Variants in UNC13C observed in about 807,000 individuals in gnomAD.
UNC13C encodes the protein protein unc-13 homolog C.
Under a neutral mutation model 245.4 loss-of-function variants are expected in UNC13C, and 174 were observed. That is an observed-to-expected ratio of 0.71 (90% CI 0.63 to 0.80). The LOEUF is 0.80. Among genes scored for constraint, UNC13C ranks in the 30% least tolerant of loss-of-function variants. UNC13C has a pLI of 0.00. For missense variants in UNC13C, 2,829 were observed against 2,602.9 expected, an observed-to-expected ratio of 1.09 and a Z score of -1.89; for synonymous variants, 992 against 895.1, an observed-to-expected ratio of 1.11 and a Z score of -1.93.
chr15:54,100,188 T>C (rs7169050), intron 2 of UNC13C, among the ~76,000 whole-genome samples: 148,156 of 151,556 alleles, frequency 0.98, 72,533 homozygotes, highest in Middle Eastern at 1. Context: ...TCACAAAATG[T>C]AACAGTTTTC....
At chr15:54,235,473 C>G (rs1004966545) in intron 5 of UNC13C, among the ~76,000 whole-genome samples, 1 of 150,182 alleles carries the variant, frequency 6.7e-6, no homozygotes, top group Non-Finnish European at 1.5e-5. Flanking sequence ...ATTTAAACTT[C>G]TTCACCTTAA....
intron 14 of UNC13C, among the ~76,000 whole-genome samples, chr15:54,322,875 C>T (rs371911670): frequency 2.0e-4 from 31 of 152,022 alleles, no homozygotes; most frequent in Admixed American, 1.2e-3. Context: ...GCCTCAATAG[C>T]ATTTGGTATG....
At chr15:54,053,185 A>G (rs1390866751) in intron 2 of UNC13C, among the ~76,000 whole-genome samples, 2 of 64,752 alleles carry the variant, frequency 3.1e-5, no homozygotes, top group Admixed American at 3.6e-4. Context: ...TGGCCAATTT[A>G]TTTTTTATTT....
At chr15:54,573,250 A>G (rs1465983350) in intron 30 of UNC13C, among the ~76,000 whole-genome samples, 1 of 151,426 alleles carries the variant, frequency 6.6e-6, no homozygotes, top group Non-Finnish European at 1.5e-5. Flanking sequence ...TTCCTCCTTC[A>G]TTATTCTCTT....
intron 2 of UNC13C, among the ~76,000 whole-genome samples, chr15:54,085,299 G>A (rs780014250): frequency 3.9e-5 from 6 of 152,252 alleles, no homozygotes; most frequent in East Asian, 1.9e-4. Flanking sequence ...AGTGTCAGCC[G>A]GAAGTTTAGT....
chr15:54,212,599 C>A (rs993992759), intron 4 of UNC13C, among the ~76,000 whole-genome samples: 2 of 152,074 alleles, frequency 1.3e-5, no homozygotes, highest in Non-Finnish European at 2.9e-5. Context: ...CTCCAGCCAG[C>A]ACAACCAAAT....
intron 13 of UNC13C, among the ~76,000 whole-genome samples, chr15:54,310,595 G>T (rs2140961933): frequency 6.6e-6 from 1 of 151,812 alleles, no homozygotes; most frequent in South Asian, 2.1e-4. Flanking sequence ...CTTTCATTTT[G>T]CAGATGGAAA....
intron 10 of UNC13C, among the ~76,000 whole-genome samples, chr15:54,279,765 T>A (rs1253245080): frequency 2.6e-5 from 4 of 152,208 alleles, no homozygotes; most frequent in African/African-American, 9.6e-5. Flanking sequence ...AGAGGTCTTT[T>A]AGATGTGGGA....
chr15:53,996,934 T>G (rs536469799), intron 1 of UNC13C, among the ~76,000 whole-genome samples: 37 of 152,210 alleles, frequency 2.4e-4, no homozygotes, highest in Non-Finnish European at 4.4e-4. Flanking sequence ...GGTGAGTACT[T>G]AAGAATAAAG....
At chr15:53,996,953 T>G (rs755274015) in intron 1 of UNC13C, among the ~76,000 whole-genome samples, 2 of 152,074 alleles carry the variant, frequency 1.3e-5, no homozygotes, top group Non-Finnish European at 2.9e-5. Context: ...AGTTACTGAA[T>G]CATAGGGTGC....
intron 2 of UNC13C, among the ~76,000 whole-genome samples, chr15:54,018,319 A>G (rs1208436319): frequency 6.6e-6 from 1 of 152,188 alleles, no homozygotes; most frequent in Non-Finnish European, 1.5e-5. Context: ...AACCTTAGCC[A>G]GATTGGAGTG....
At chr15:54,570,627 C>A (rs186372946) in intron 30 of UNC13C, among the ~76,000 whole-genome samples, 1 of 152,276 alleles carries the variant, frequency 6.6e-6, no homozygotes, top group East Asian at 1.9e-4. Context: ...ACAATCCCAT[C>A]TCAATATTCA....
intron 4 of UNC13C, among the ~76,000 whole-genome samples, chr15:54,191,604 C>A (rs1567083923): frequency 6.6e-6 from 1 of 152,128 alleles, no homozygotes; most frequent in African/African-American, 2.4e-5. Flanking sequence ...GTTTCTGCTT[C>A]TAGATTTTTG....
intron 2 of UNC13C, among the ~76,000 whole-genome samples, chr15:54,090,213 G>A (rs1043361970): frequency 6.6e-6 from 1 of 151,984 alleles, no homozygotes; most frequent in Non-Finnish European, 1.5e-5. Context: ...CCTCCTCTTT[G>A]GGTCCTTTTA....
At chr15:54,563,866 T>G (rs544307203) in intron 29 of UNC13C, among the ~76,000 whole-genome samples, 3 of 152,092 alleles carry the variant, frequency 2.0e-5, no homozygotes, top group South Asian at 2.1e-4. Context: ...AGAGTCAAAT[T>G]TGAATGTAAA....
chr15:54,438,350 A>C (rs1485187078), intron 19 of UNC13C, among the ~76,000 whole-genome samples: 1 of 151,990 alleles, frequency 6.6e-6, no homozygotes, highest in South Asian at 2.1e-4. Context: ...CTTCTAGTAA[A>C]GACTACAAGA....
intron 4 of UNC13C, among the ~76,000 whole-genome samples, chr15:54,153,248 G>T (rs1221035855): frequency 6.6e-6 from 1 of 151,930 alleles, no homozygotes; most frequent in Non-Finnish European, 1.5e-5. Flanking sequence ...CATTTAGAAA[G>T]AATATAAAAT....
intron 26 of UNC13C, among the ~76,000 whole-genome samples, chr15:54,535,188 A>T (rs576645731): frequency 6.6e-6 from 1 of 152,296 alleles, no homozygotes; most frequent in African/African-American, 2.4e-5. Flanking sequence ...TCTACCTAAA[A>T]AATGGAAAAC....
chr15:54,070,977 G>A (rs148531712), intron 2 of UNC13C, among the ~76,000 whole-genome samples: 5 of 151,928 alleles, frequency 3.3e-5, no homozygotes, highest in Non-Finnish European at 1.5e-5. Flanking sequence ...ACATCTATAG[G>A]GCCTGATGTG....
Sources: gnomAD v4.1 joint callset for allele counts (sites outside exome capture counted in the v4.1 genomes callset) on GRCh38, gnomAD v4.1.1 for gene constraint, MANE v1.5 for transcripts, NCBI Gene and HGNC (gene_info 2026-07-23, HGNC 2026-07-21) for gene names.